Variants in MEGF9 observed in about 807,000 individuals in gnomAD.
MEGF9 encodes the protein multiple EGF like domains 9.
MEGF9 carries 6 observed loss-of-function variants against 46.8 expected under a neutral mutation model. The observed-to-expected ratio is 0.13, with a 90% CI of 0.07 to 0.25. The LOEUF (loss-of-function observed/expected upper bound fraction) is 0.25. MEGF9 is among the 10% of genes least tolerant of loss of function. The pLI is 1.00. For synonymous variants in MEGF9, 302 were observed against 330.7 expected, an observed-to-expected ratio of 0.91 and a Z score of 0.94; for missense variants, 683 against 792.4, an observed-to-expected ratio of 0.86 and a Z score of 1.66.
At chr9:120,696,285 G>A (rs1010086385) in intron 1 of MEGF9, among the ~76,000 whole-genome samples, 1 of 152,132 alleles carries the variant, frequency 6.6e-6, no homozygotes, top group African/African-American at 2.4e-5. Flanking sequence ...GGCATCCCAG[G>A]TAGAGGGAAC....
At chr9:120,655,328 TA>T (rs2043671678) in intron 2 of MEGF9, among the ~76,000 whole-genome samples, 1 of 152,216 alleles carries the variant, frequency 6.6e-6, no homozygotes, top group South Asian at 2.1e-4. Context: ...ACCATTGTAC[TA>T]AAATTGCCTA....
At chr9:120,627,288 G>A (rs182652666) in intron 2 of MEGF9, among the ~76,000 whole-genome samples, 52 of 152,176 alleles carry the variant, frequency 3.4e-4, no homozygotes, top group African/African-American at 1.3e-3. Flanking sequence ...ACTAGTTAAT[G>A]ATTTATTTCT....
chr9:120,608,434 A>G (rs2043429795), intron 4 of MEGF9, among the ~76,000 whole-genome samples: 1 of 152,194 alleles, frequency 6.6e-6, no homozygotes, highest in African/African-American at 2.4e-5. Context: ...TTTATAGATG[A>G]CAGATTGGAT....
At chr9:120,692,260 C>T (rs1252689268) in intron 1 of MEGF9, among the ~76,000 whole-genome samples, 1 of 152,144 alleles carries the variant, frequency 6.6e-6, no homozygotes, top group East Asian at 1.9e-4. Context: ...GGTCCAGCAC[C>T]AATTGGTAGC....
chr9:120,711,836 T>TACACACACACACAC (rs769570972), intron 1 of MEGF9, among the ~76,000 whole-genome samples: 4 of 56,420 alleles, frequency 7.1e-5, no homozygotes, highest in African/African-American at 1.9e-4. Flanking sequence ...TTTCTATACA[T>TACACACACACACAC]ACATACATAC....
Position 120,684,535 on chromosome 9 carries a change from C to T in MEGF9, c.602-24960G>A, listed in dbSNP as rs62578017. On this transcript the variant is annotated intron_variant, in intron 1 of 5. Coordinates refer to ENST00000373930, the MANE Select transcript of MEGF9 (RefSeq NM_001080497.3). Reference sequence around the variant, plus strand: ...AAATTCTTCCCACTCTCCTGCCACACTTCACTATTATCAAACACTTATACA... The same window carrying T: ...AAATTCTTCCCACTCTCCTGCCACATTTCACTATTATCAAACACTTATACA... Among the ~76,000 whole-genome samples, 730 of 152,350 alleles carry T rather than the reference C, an allele frequency of 4.8e-3. 6 individuals carry two copies. Among genetic ancestry groups the T allele is most frequent in the Non-Finnish European group, 6.9e-3 (467 of 68,038 alleles).
At chr9:120,679,010 C>A (rs1370429626) in intron 1 of MEGF9, among the ~76,000 whole-genome samples, 1 of 152,162 alleles carries the variant, frequency 6.6e-6, no homozygotes, top group Admixed American at 6.5e-5. Context: ...AATAGGAACA[C>A]TTTTACACTG....
intron 4 of MEGF9, among the ~76,000 whole-genome samples, chr9:120,608,408 G>A (rs576403704): frequency 3.9e-5 from 6 of 152,250 alleles, no homozygotes; most frequent in African/African-American, 1.4e-4. Flanking sequence ...TCTCATAATT[G>A]TGTTATTCCC....
At chr9:120,608,557 C>A (rs1021691567) in intron 4 of MEGF9, among the ~76,000 whole-genome samples, 1 of 152,200 alleles carries the variant, frequency 6.6e-6, no homozygotes, top group African/African-American at 2.4e-5. Context: ...CCATGGGTGG[C>A]CTCATCCACT....
chr9:120,632,039 T>C (rs2043552971), intron 2 of MEGF9, among the ~76,000 whole-genome samples: 1 of 152,088 alleles, frequency 6.6e-6, no homozygotes, highest in African/African-American at 2.4e-5. Context: ...GTGATTTGCC[T>C]GCCTCAGCCT....
Position 120,714,340 on chromosome 9 carries a change from G to T in MEGF9, c.19C>A (p.Arg7Ser). MNGGAE[R>S]AMRSLPSLGG... ...AGGCTCGGCAGGCTCCTCATGGCGC[G>T]CTCGGCTCCGCCATTCATTCATTCA... Residue 7 changes from arginine (R) to serine (S), a missense_variant, in exon 1 of 6, where the codon CGC becomes AGC. By Grantham distance (110) the Arg-to-Ser change is moderately radical. Coordinates refer to ENST00000373930, the MANE Select transcript of MEGF9 (RefSeq NM_001080497.3). The T allele has an allele frequency of 1.5e-6, 2 of 1,339,182 alleles. No homozygotes were observed. The highest frequency in any genetic ancestry group is 1.9e-6 in the Non-Finnish European group (2 of 1,043,100). The allele number at this position is 1,339,182 out of a possible 1,614,324, so 83.0% of individuals were successfully genotyped here.
chr9:120,628,479 T>TTG (rs923080535), intron 2 of MEGF9, among the ~76,000 whole-genome samples: 2 of 141,426 alleles, frequency 1.4e-5, no homozygotes, highest in African/African-American at 5.3e-5. Context: ...TTTTTTTTTT[T>TTG]TTTTTTTTTT....
At chr9:120,653,771 C>T (rs943110443) in intron 2 of MEGF9, among the ~76,000 whole-genome samples, 2 of 152,080 alleles carry the variant, frequency 1.3e-5, no homozygotes, top group Non-Finnish European at 2.9e-5. Flanking sequence ...CAAAGACAAA[C>T]AAGAAATACA....
At position 120,674,362 on chromosome 9, in the gene MEGF9, G is replaced by A. The variant is rs76418192; in HGVS notation, c.602-14787C>T. On this transcript the variant is annotated intron_variant, in intron 1 of 5. Coordinates refer to ENST00000373930, the MANE Select transcript of MEGF9 (RefSeq NM_001080497.3). ...ACTTTACCAAAGAAGATATATGTAC[G>A]ACAAATAAGCACTTGAAAAGGTACC... Among the ~76,000 whole-genome samples the A allele has an allele frequency of 5.3e-3, 812 of 152,214 alleles. 5 individuals carry two copies. Among genetic ancestry groups the A allele is most frequent in the Non-Finnish European group, 9.9e-3 (676 of 67,992 alleles).
At chr9:120,636,854 GT>G (rs2043578820) in intron 2 of MEGF9, among the ~76,000 whole-genome samples, 1 of 119,162 alleles carries the variant, frequency 8.4e-6, no homozygotes, top group Non-Finnish European at 2.0e-5. Context: ...CGTCTGGGGG[GT>G]GGGGGGGCCC....
chr9:120,622,649 T>A lies in MEGF9; in HGVS notation c.910A>T (p.Asn304Tyr). Reference protein sequence around the residue: ...SKNGCLPCQCNNRSASCDALT... With the variant: ...SKNGCLPCQCYNRSASCDALT... ...GCATCGCAACTGGCAGACCGATTAT[T>A]GCATTGGCAGGGCAAGCAGCCATTC... is the stretch of plus-strand genomic sequence containing the variant. Residue 304 changes from asparagine (N) to tyrosine (Y), a missense_variant, in exon 3 of 6, where the codon AAT (asparagine) becomes TAT (tyrosine). This residue lies in a region of MEGF9 where 313 missense variants were observed against 421.1 expected (regional missense o/e 0.74). Transcript: ENST00000373930. The A allele has an allele frequency of 1.2e-6, 2 of 1,613,850 alleles. No individual in the cohort carries two copies. Among genetic ancestry groups the A allele is most frequent in the Non-Finnish European group, 1.7e-6 (2 of 1,179,844 alleles).
At chr9:120,683,456 TAGTG>T (rs1242549922) in intron 1 of MEGF9, among the ~76,000 whole-genome samples, 1 of 152,170 alleles carries the variant, frequency 6.6e-6, no homozygotes. Context: ...CTTCTAGTGA[TAGTG>T]AGTGAGTTCT....
At chr9:120,625,427 T>C (rs1370571265) in intron 2 of MEGF9, among the ~76,000 whole-genome samples, 1 of 151,958 alleles carries the variant, frequency 6.6e-6, no homozygotes, top group Non-Finnish European at 1.5e-5. Flanking sequence ...AGGCAGGAAA[T>C]GACATCACAG....
intron 1 of MEGF9, among the ~76,000 whole-genome samples, chr9:120,685,586 T>C (rs1453915054): frequency 1.3e-5 from 2 of 152,208 alleles, no homozygotes; most frequent in Admixed American, 1.3e-4. Flanking sequence ...TCCCATTCAC[T>C]ACTTTCTGTA....
Sources: allele counts gnomAD v4.1 joint callset (sites outside exome capture counted in the v4.1 genomes callset), GRCh38; gene constraint gnomAD v4.1.1; regional missense constraint gnomAD v4.1.1; transcripts MANE v1.5; gene names NCBI Gene and HGNC (gene_info 2026-07-23, HGNC 2026-07-21).